TPM4: variants seen among roughly 807,000 people sequenced by gnomAD.
TPM4 encodes tropomyosin alpha-4 chain.
TPM4 carries 17 observed loss-of-function variants against 35.8 expected under a neutral mutation model. The observed-to-expected ratio is 0.47, with a 90% CI of 0.32 to 0.71. The LOEUF (loss-of-function observed/expected upper bound fraction) is 0.71, where lower values mean the gene tolerates loss of function less well. TPM4 is among the 30% of genes least tolerant of loss of function. The probability of loss-of-function intolerance (pLI) is 0.03; values close to 1 mark genes in which losing one functional copy is unlikely to be tolerated. For synonymous variants in TPM4, 120 were observed against 122.9 expected, an observed-to-expected ratio of 0.98 and a Z score of 0.15; for missense variants, 240 against 320.9, an observed-to-expected ratio of 0.75 and a Z score of 1.93.
chr19:16,101,248 T>C lies in TPM4; in HGVS notation c.665-16T>C, dbSNP rs111996995. 6.3e-7 allele frequency: 1 copy of C among 1,579,854 alleles called. No homozygotes were observed. Among genetic ancestry groups the C allele is most frequent in the Non-Finnish European group, 8.6e-7 (1 of 1,164,848 alleles). ...CTTATTAATTTATCTTTCCCCATAC[T>C]CTTAATCCTCACCAGAGAAACTTGC... On this transcript the variant is annotated splice_polypyrimidine_tract_variant and intron_variant, in intron 7 of 7. Transcript: ENST00000643579.
intron 1 of TPM4, chr19:16,077,243 C>T (rs987538324): frequency 6.9e-6 from 1 of 144,388 alleles, no homozygotes; most frequent in Non-Finnish European, 1.5e-5. Context: ...TGACCGTTCC[C>T]AGGGGCGCGG....
At chr19:16,071,060 C>T (rs184628975) in intron 2 of TPM4, among the ~76,000 whole-genome samples, 4 of 152,326 alleles carry the variant, frequency 2.6e-5, no homozygotes, top group African/African-American at 7.2e-5. Flanking sequence ...AGCTGCGTGG[C>T]CAAGGAGGTT....
intron 5 of TPM4, among the ~76,000 whole-genome samples, chr19:16,089,848 C>G (rs2090603736): frequency 6.6e-6 from 1 of 151,666 alleles, no homozygotes; most frequent in African/African-American, 2.4e-5. Flanking sequence ...AACCCCTATT[C>G]AGCCTTTTTT....
At chr19:16,095,655 C>CA in intron 7 of TPM4, 1 of 955,234 alleles carries the variant, frequency 1.0e-6, no homozygotes, top group South Asian at 4.9e-5. Flanking sequence ...ATTATGCCTA[C>CA]AGGATGCTTT....
At chr19:16,077,412 C>T (rs1298796002) in intron 1 of TPM4, 1 of 152,204 alleles carries the variant, frequency 6.6e-6, no homozygotes, top group African/African-American at 2.4e-5. Flanking sequence ...GGGCCCTGAA[C>T]CCACGATCGT....
intron 5 of TPM4, among the ~76,000 whole-genome samples, chr19:16,090,798 G>A (rs2090617366): frequency 6.6e-6 from 1 of 150,904 alleles, no homozygotes; most frequent in Admixed American, 6.6e-5. Flanking sequence ...ATTGTGCCTG[G>A]CATATATCTG....
At chr19:16,095,457 T>C (rs1389587870) in intron 7 of TPM4, 11 of 1,025,246 alleles carry the variant, frequency 1.1e-5, no homozygotes, top group Non-Finnish European at 1.2e-5. Flanking sequence ...CAGAGCCTTC[T>C]TCTGATGTGT....
upstream of TPM4, among the ~76,000 whole-genome samples, chr19:16,073,286 G>A (rs1365405377): frequency 6.6e-6 from 1 of 152,224 alleles, no homozygotes; most frequent in Non-Finnish European, 1.5e-5. Context: ...GGAGAGTCCT[G>A]TGTTGGGCAC....
At chr19:16,078,552 G>A (rs1406056134) in intron 1 of TPM4, among the ~76,000 whole-genome samples, 1 of 152,184 alleles carries the variant, frequency 6.6e-6, no homozygotes, top group Non-Finnish European at 1.5e-5. Context: ...TCGGTAGCCG[G>A]TCTGGCCTCT....
chr19:16,077,930 T>A (rs1209291519), intron 1 of TPM4: 1 of 308,892 alleles, frequency 3.2e-6, no homozygotes, highest in Non-Finnish European at 5.7e-6. Flanking sequence ...CCCAGCTAAT[T>A]TTTTTTTTTT....
intron 1 of TPM4, among the ~76,000 whole-genome samples, chr19:16,079,566 C>T (rs1599366563): frequency 6.6e-6 from 1 of 152,244 alleles, no homozygotes; most frequent in East Asian, 1.9e-4. Context: ...GTGGGAGTGC[C>T]CTCTTTCTGC....
In TPM4 at chr19:16,076,595, G is replaced by A; in HGVS notation, c.30G>A (p.Val10=). The A allele has an allele frequency of 2.7e-6, 4 of 1,471,258 alleles. No individual in the cohort carries two copies. The highest frequency in any genetic ancestry group is 3.6e-6 in the Non-Finnish European group (4 of 1,118,442). 91.1% of individuals were successfully genotyped at this position (1,471,258 alleles called of 1,614,324 possible). Residue 10 remains valine (V), a synonymous_variant, in exon 1 of 8, where the codon GTG becomes GTA. Coordinates refer to ENST00000643579, the MANE Select transcript of TPM4 (RefSeq NM_003290.3). ...CCGGCCTCAACTCCCTGGAGGCGGT[G>A]AAACGCAAGATCCAGGCCCTGCAGC... MAGLNSLEA[V]KRKIQALQQQ...
intron 1 of TPM4, 42 bp downstream of exon 1, chr19:16,076,739 C>A (rs1443556312): frequency 3.9e-6 from 5 of 1,285,094 alleles, no homozygotes; most frequent in African/African-American, 1.6e-5. Flanking sequence ...CAGCCTCCTC[C>A]CCCGCGCGCC....
chr19:16,070,217 C>A lies in TPM4; in HGVS notation c.114+2479C>A, dbSNP rs1169186642. 6.6e-6 allele frequency among the ~76,000 whole-genome samples: 1 copy of A among 152,200 alleles called. No homozygotes were observed. The highest frequency in any genetic ancestry group is 1.5e-5 in the Non-Finnish European group (1 of 68,028). ...ATCTCCTGGCAGCCAAGAGCCCACA[C>A]AGACCCAGAACTTTGGAGACAAGAG... is the stretch of plus-strand genomic sequence containing the variant. On this transcript the variant is annotated intron_variant, in intron 2 of 2. Transcript: ENST00000589897. This position sits in a 1 kb window ranked among gnomAD's most constrained non-coding sequence, Gnocchi z 7.4.
upstream of TPM4, among the ~76,000 whole-genome samples, chr19:16,071,822 C>A (rs914650092): frequency 6.6e-6 from 1 of 151,898 alleles, no homozygotes; most frequent in Admixed American, 6.6e-5. Flanking sequence ...CCTGCCCACT[C>A]CCCTCCCAGG....
upstream of TPM4, chr19:16,076,133 G>C (rs533404965): frequency 6.3e-7 from 1 of 1,579,428 alleles, no homozygotes; most frequent in African/African-American, 1.3e-5. Context: ...TGAAGGACGC[G>C]CAGGAGAAGC....
intron 2 of TPM4, among the ~76,000 whole-genome samples, chr19:16,069,492 A>G (rs1028035244): frequency 0.073 from 197 of 2,690 alleles, no homozygotes; most frequent in African/African-American, 0.2. Context: ...TGTGTTTCTG[A>G]TGGGGTGTGT....
At chr19:16,076,238 G>C, upstream of TPM4, 1 of 1,546,802 alleles carries the variant, frequency 6.5e-7, no homozygotes. Flanking sequence ...CGGGAAGGCG[G>C]GGAGAGCCGC....
intron 2 of TPM4, among the ~76,000 whole-genome samples, chr19:16,085,839 C>T (rs1005282171): frequency 2.6e-5 from 4 of 151,904 alleles, no homozygotes; most frequent in Admixed American, 1.3e-4. Flanking sequence ...GAGGTCAAGG[C>T]GGGCAGATCA....
Sources: allele counts gnomAD v4.1 joint callset (sites outside exome capture counted in the v4.1 genomes callset), GRCh38; gene constraint gnomAD v4.1.1; non-coding constraint Gnocchi (gnomAD v3.1); transcripts MANE v1.5; gene names NCBI Gene and HGNC (gene_info 2026-07-23, HGNC 2026-07-21).